The following DMD variants were observed in gnomAD, a reference collection of about 807,000 sequenced individuals.
The protein encoded by DMD is mutant dystrophin.
A neutral mutation model predicts 330.1 loss-of-function variants in DMD; 63 were observed. That is an observed-to-expected ratio of 0.19 (90% CI 0.16 to 0.24). DMD has a LOEUF of 0.24. DMD is among the 10% of genes least tolerant of loss of function. DMD has a pLI of 1.00. For synonymous variants in DMD, 1,223 were observed against 959.8 expected, an observed-to-expected ratio of 1.27 and a Z score of -5.07; for missense variants, 3,344 against 2,684.1, an observed-to-expected ratio of 1.25 and a Z score of -5.43.
At chrX:33,314,531 T>C (rs1403933127) in intron 1 of DMD, among the ~76,000 whole-genome samples, 1 of 106,840 alleles carries the variant, frequency 9.4e-6, no homozygotes, top group East Asian at 2.9e-4. Context: ...GTGTTGGGAT[T>C]ACATGCGTGA....
intron 44 of DMD, among the ~76,000 whole-genome samples, chrX:32,070,821 G>T (rs1363923536): frequency 9.0e-6 from 1 of 110,896 alleles, no homozygotes; most frequent in Non-Finnish European, 1.9e-5. Flanking sequence ...GACTTGGGGG[G>T]TAGAAAAGGG....
chrX:31,917,031 G>A (rs1043391811), intron 47 of DMD, among the ~76,000 whole-genome samples: 1 of 111,645 alleles, frequency 9.0e-6, no homozygotes, highest in African/African-American at 3.3e-5. Context: ...TCCATTGAAT[G>A]GGATTGGTGG....
rs894197905 is a variant in DMD at position 33,270,307 on chromosome X, C to G, written c.7+68952G>C. 5.6e-5 allele frequency among the ~76,000 whole-genome samples: 6 copies of G among 108,039 alleles called. 1 individual carries two copies. In the Admixed American group the frequency reaches 6.1e-4, roughly 11 times the overall value. 93.8% of individuals were successfully genotyped at this position (108,039 alleles called of 115,157 possible). On this transcript the variant is annotated intron_variant, in intron 1 of 17. Coordinates refer to the DMD transcript ENST00000288447. ...AATTGTAGCTGTGAGTAAAGTAAGG[C>G]TGAGTTTATCCTAAAGCAATAGACA...
chrX:32,637,915 A>G (rs945336622), intron 11 of DMD, among the ~76,000 whole-genome samples: 1 of 112,081 alleles, frequency 8.9e-6, no homozygotes, highest in Non-Finnish European at 1.9e-5. Context: ...TATCTTTGTG[A>G]GAAAGCATTG....
chrX:32,667,671 T>C (rs1275926735), intron 9 of DMD, among the ~76,000 whole-genome samples: 1 of 111,234 alleles, frequency 9.0e-6, no homozygotes, highest in Non-Finnish European at 1.9e-5. Flanking sequence ...ACAGAAAAGA[T>C]CACATGTATA....
Position 33,041,488 on chromosome X carries a change from C to A in DMD, c.32-21288G>T, listed in dbSNP as rs1405925707. ...AGTGATGTATGAAAAAGAGGCAAAACAACAAGAAGAAAAGATTGAAAAAAT... is the reference window on the plus strand; with the variant it reads ...AGTGATGTATGAAAAAGAGGCAAAAAAACAAGAAGAAAAGATTGAAAAAAT... On this transcript the variant is annotated intron_variant, in intron 1 of 78. Coordinates refer to ENST00000357033, the MANE Select transcript of DMD (RefSeq NM_004006.3). 16 of 1,204,756 alleles carry A rather than the reference C, an allele frequency of 1.3e-5. No individual in the cohort carries two copies. In the Admixed American group the frequency reaches 3.5e-4, roughly 26 times the overall value.
At chrX:32,597,554 C>T in intron 12 of DMD, among the ~76,000 whole-genome samples, 1 of 111,850 alleles carries the variant, frequency 8.9e-6, no homozygotes, top group Non-Finnish European at 1.9e-5. Context: ...CACTTGGTCT[C>T]AACTGAACCC....
intron 19 of DMD, among the ~76,000 whole-genome samples, chrX:32,492,212 C>G (rs978951756): frequency 9.0e-6 from 1 of 111,208 alleles, no homozygotes; most frequent in African/African-American, 3.3e-5. Flanking sequence ...GTGGCGGGCG[C>G]CTGGGGTTCC....
chrX:32,598,610 T>A (rs2055840594), intron 12 of DMD, among the ~76,000 whole-genome samples: 1 of 112,228 alleles, frequency 8.9e-6, no homozygotes, highest in African/African-American at 3.2e-5. Flanking sequence ...TATATTTTAC[T>A]TAAGAAGTGT....
intron 1 of DMD, among the ~76,000 whole-genome samples, chrX:33,259,460 T>C (rs1480657680): frequency 9.1e-6 from 1 of 110,100 alleles, no homozygotes; most frequent in Non-Finnish European, 1.9e-5. Flanking sequence ...AAATCTAAAA[T>C]TCAAATGCTC....
intron 53 of DMD, among the ~76,000 whole-genome samples, chrX:31,659,468 G>A (rs1447284962): frequency 1.8e-5 from 2 of 108,113 alleles, no homozygotes; most frequent in East Asian, 5.8e-4. Flanking sequence ...GTGAAACACC[G>A]TCTCTACTAA....
At chrX:32,340,366 G>A (rs191520199) in intron 41 of DMD, among the ~76,000 whole-genome samples, 1 of 111,319 alleles carries the variant, frequency 9.0e-6, no homozygotes, top group East Asian at 2.8e-4. Context: ...ATATATCCCA[G>A]AATTTTACTA....
intron 2 of DMD, among the ~76,000 whole-genome samples, chrX:32,874,711 C>T (rs2083252184): frequency 8.9e-6 from 1 of 111,793 alleles, no homozygotes; most frequent in African/African-American, 3.2e-5. Context: ...TGTTATAGGT[C>T]TTCCAAGATT....
chrX:32,552,896 ATT>A (rs2049741169), intron 16 of DMD, among the ~76,000 whole-genome samples: 1 of 111,920 alleles, frequency 8.9e-6, no homozygotes, highest in Non-Finnish European at 1.9e-5. Flanking sequence ...AATGGCTATT[ATT>A]AAGAAGTCAA....
chrX:31,423,502 A>G (rs1189613473), intron 60 of DMD, among the ~76,000 whole-genome samples: 7 of 111,781 alleles, frequency 6.3e-5, no homozygotes, highest in African/African-American at 2.3e-4. Context: ...ATTTTTCTTT[A>G]TAATGTTCTG....
intron 55 of DMD, among the ~76,000 whole-genome samples, chrX:31,509,431 AG>A (rs2071267015): frequency 8.9e-6 from 1 of 111,982 alleles, no homozygotes; most frequent in South Asian, 3.7e-4. Context: ...TGATTTGTAC[AG>A]TACTTTCCTT....
intron 60 of DMD, among the ~76,000 whole-genome samples, chrX:31,396,548 G>GTTTTTTTTTTTTTTTTTT (rs56745544): frequency 1.5e-5 from 1 of 66,067 alleles, no homozygotes; most frequent in Non-Finnish European, 2.7e-5. Context: ...AAATCCCAGG[G>GTTTTTTTTTTTTTTTTTT]TTTTTTTTTT....
chrX:31,466,057 C>T (rs186569933), intron 59 of DMD, among the ~76,000 whole-genome samples: 155 of 111,988 alleles, frequency 1.4e-3, no homozygotes, highest in Admixed American at 5.5e-3. Flanking sequence ...GTTTAAGTTC[C>T]TTGTAGATTC....
At chrX:32,327,197 A>C (rs970074882) in intron 41 of DMD, among the ~76,000 whole-genome samples, 2 of 94,379 alleles carry the variant, frequency 2.1e-5, no homozygotes, top group Non-Finnish European at 3.8e-5. Context: ...TAGGGGCACA[A>C]AAAAAAAAAG....
Sources: gnomAD v4.1 joint callset for allele counts (sites outside exome capture counted in the v4.1 genomes callset) on GRCh38, gnomAD v4.1.1 for gene constraint, MANE v1.5 for transcripts, NCBI Gene and HGNC (gene_info 2026-07-23, HGNC 2026-07-21) for gene names.